C1orf146: variants seen among roughly 807,000 people sequenced by gnomAD.
The protein encoded by C1orf146 is protein SPO16 homolog.
C1orf146 carries 22 observed loss-of-function variants against 23.0 expected under a neutral mutation model. That is an observed-to-expected ratio of 0.96 (90% CI 0.68 to 1.36). The LOEUF (loss-of-function observed/expected upper bound fraction) is 1.36, where lower values mean the gene tolerates loss of function less well. C1orf146 is among the 40% of genes most tolerant of loss of function. The probability of loss-of-function intolerance (pLI) is 0.00; values close to 1 mark genes in which losing one functional copy is unlikely to be tolerated. For missense variants in C1orf146, 199 were observed against 206.8 expected, an observed-to-expected ratio of 0.96 and a Z score of 0.23; for synonymous variants, 59 against 65.3, an observed-to-expected ratio of 0.90 and a Z score of 0.47.
At chr1:92,241,617 T>G (rs1405383888) in intron 2 of C1orf146, among the ~76,000 whole-genome samples, 1 of 152,172 alleles carries the variant, frequency 6.6e-6, no homozygotes, top group Non-Finnish European at 1.5e-5. Flanking sequence ...GCCTCCCAAG[T>G]AGCTGGGACT....
chr1:92,241,979 A>G (rs1023107207), intron 2 of C1orf146, among the ~76,000 whole-genome samples: 1 of 152,224 alleles, frequency 6.6e-6, no homozygotes, highest in African/African-American at 2.4e-5. Context: ...CCTAAGTAAC[A>G]TAACTGTAGT....
At chr1:92,244,109 G>A in intron 3 of C1orf146, 108 bp from the exon 4 acceptor site, 1 of 679,684 alleles carries the variant, frequency 1.5e-6, no homozygotes, top group South Asian at 1.8e-5. Flanking sequence ...ATGAGTTTAG[G>A]GCTTGGACAC....
chr1:92,223,085 G>A (rs1651875902), intron 1 of C1orf146, among the ~76,000 whole-genome samples: 1 of 152,044 alleles, frequency 6.6e-6, no homozygotes, highest in Non-Finnish European at 1.5e-5. Context: ...GGGCATTTGG[G>A]TTGTTTCTAG....
intron 2 of C1orf146, among the ~76,000 whole-genome samples, chr1:92,232,051 T>C (rs960941422): frequency 1.3e-5 from 2 of 152,214 alleles, no homozygotes; most frequent in African/African-American, 2.4e-5. Flanking sequence ...CGTGTGGTTT[T>C]ATGCTTTTTG....
At chr1:92,226,074 T>G (rs1651959316) in intron 1 of C1orf146, among the ~76,000 whole-genome samples, 1 of 152,194 alleles carries the variant, frequency 6.6e-6, no homozygotes, top group African/African-American at 2.4e-5. Context: ...AGTCAGTGAT[T>G]TTTAGTACAT....
chr1:92,238,651 C>T (rs958430806), intron 2 of C1orf146, among the ~76,000 whole-genome samples: 5 of 151,948 alleles, frequency 3.3e-5, no homozygotes, highest in African/African-American at 9.7e-5. Context: ...GTTGGCTCCT[C>T]CTCCTCCTGA....
At chr1:92,221,527 A>G (rs1484972392) in intron 1 of C1orf146, among the ~76,000 whole-genome samples, 2 of 152,200 alleles carry the variant, frequency 1.3e-5, no homozygotes, top group African/African-American at 4.8e-5. Flanking sequence ...CTGAAACAAC[A>G]TGCTGTAAGA....
intron 2 of C1orf146, 125 bp downstream of exon 2, chr1:92,231,611 C>T (rs994651490): frequency 7.3e-6 from 4 of 550,364 alleles, no homozygotes; most frequent in Non-Finnish European, 9.6e-6. Flanking sequence ...GCAGGAAGTA[C>T]ATAAGCTAAA....
chr1:92,232,572 G>A (rs567180053), intron 2 of C1orf146, among the ~76,000 whole-genome samples: 1 of 152,098 alleles, frequency 6.6e-6, no homozygotes. Context: ...GTAAACATAC[G>A]TGTACATGTG....
intron 2 of C1orf146, among the ~76,000 whole-genome samples, chr1:92,234,970 T>C (rs1390902983): frequency 6.6e-6 from 1 of 152,234 alleles, no homozygotes; most frequent in African/African-American, 2.4e-5. Context: ...CCCTTTATCA[T>C]TTTTTATTGT....
intron 2 of C1orf146, among the ~76,000 whole-genome samples, chr1:92,240,308 A>G (rs959255325): frequency 1.3e-5 from 2 of 152,204 alleles, no homozygotes; most frequent in African/African-American, 4.8e-5. Flanking sequence ...ATTTCTGTGT[A>G]GATCTTGGCC....
At chr1:92,238,345 TTTTGG>T (rs1387018531) in intron 2 of C1orf146, among the ~76,000 whole-genome samples, 1 of 152,240 alleles carries the variant, frequency 6.6e-6, no homozygotes, top group East Asian at 1.9e-4. Flanking sequence ...TGTTTTTTTG[TTTTGG>T]TTTGGTTTTC....
chr1:92,226,909 ATTACCTTGT>A (rs1337864035), intron 1 of C1orf146, among the ~76,000 whole-genome samples: 1 of 151,844 alleles, frequency 6.6e-6, no homozygotes, highest in Non-Finnish European at 1.5e-5. Flanking sequence ...GTTTTTCTCT[ATTACCTTGT>A]TGAGTTTTTT....
chr1:92,229,530 A>G (rs191740743), intron 1 of C1orf146: 4 of 404,972 alleles, frequency 9.9e-6, no homozygotes, highest in African/African-American at 2.1e-5. Flanking sequence ...AAGTTTGGCT[A>G]ACTTTTCTTG....
At chr1:92,229,443 TCATCAGCTGTAGCTGTTCTTTGTAC>T in intron 1 of C1orf146, 1 of 516,654 alleles carries the variant, frequency 1.9e-6, no homozygotes, top group South Asian at 1.5e-5. Flanking sequence ...CAGCTTTTTG[TCATCAGCTGTAGCTGTTCTTTGTAC>T]CATCTTCTTT....
intron 2 of C1orf146, among the ~76,000 whole-genome samples, chr1:92,235,821 T>C (rs1652261724): frequency 6.6e-6 from 1 of 152,184 alleles, no homozygotes; most frequent in African/African-American, 2.4e-5. Context: ...ATATTTAGGA[T>C]AGTTAGCTCC....
At chr1:92,232,720 C>T (rs2100738088) in intron 2 of C1orf146, among the ~76,000 whole-genome samples, 1 of 150,774 alleles carries the variant, frequency 6.6e-6, no homozygotes, top group East Asian at 2.0e-4. Context: ...TTTACAGTCC[C>T]ACCAACAGTG....
chr1:92,230,221 T>C (rs1037378990), intron 1 of C1orf146, among the ~76,000 whole-genome samples: 3 of 151,914 alleles, frequency 2.0e-5, no homozygotes, highest in Non-Finnish European at 4.4e-5. Context: ...CCTGACACTT[T>C]AGGAGGTTGA....
At chr1:92,226,688 G>A (rs1008173083) in intron 1 of C1orf146, among the ~76,000 whole-genome samples, 1 of 152,020 alleles carries the variant, frequency 6.6e-6, no homozygotes, top group African/African-American at 2.4e-5. Context: ...TTTATTGTAA[G>A]CAGCATATGG....
Sources: gnomAD v4.1 joint callset for allele counts (sites outside exome capture counted in the v4.1 genomes callset) on GRCh38, gnomAD v4.1.1 for gene constraint, MANE v1.5 for transcripts, NCBI Gene and HGNC (gene_info 2026-07-23, HGNC 2026-07-21) for gene names.